PPFIBP2: variants seen among roughly 807,000 people sequenced by gnomAD.
The protein encoded by PPFIBP2 is PPFIB scaffold protein 2, also known as liprin-beta-2.
Under a neutral mutation model 118.3 loss-of-function variants are expected in PPFIBP2, and 118 were observed. That is an observed-to-expected ratio of 1.00 (90% CI 0.86 to 1.16). The LOEUF (loss-of-function observed/expected upper bound fraction) is 1.16, where lower values mean the gene tolerates loss of function less well. Among genes scored for constraint, PPFIBP2 ranks in the 50% most tolerant of loss-of-function variants. The pLI, the probability that PPFIBP2 is intolerant of heterozygous loss-of-function variation, is 0.00. For missense variants in PPFIBP2, 1,195 were observed against 1,073.1 expected (o/e 1.11, Z -1.59); for synonymous variants, 414 against 397.4 (o/e 1.04, Z -0.50).
chr11:7,624,039 A>G (rs1849664364), intron 7 of PPFIBP2, among the ~76,000 whole-genome samples: 3 of 152,152 alleles, frequency 2.0e-5, no homozygotes, highest in Admixed American at 2.0e-4. Context: ...ACTTTGGAAT[A>G]AGGAAACCCT....
In PPFIBP2 at chr11:7,577,330, T is replaced by C. The variant is rs71461819; in HGVS notation, c.279+11563T>C. 1,132 of 246,364 alleles carry C rather than the reference T, an allele frequency of 4.6e-3. 5 individuals are homozygous for C. Among genetic ancestry groups the C allele is most frequent in the Middle Eastern group, 0.013 (9 of 688 alleles). 15.3% of individuals were successfully genotyped at this position (246,364 alleles called of 1,614,324 possible). On this transcript the variant is annotated intron_variant, in intron 3 of 23. Transcript: ENST00000299492. ...GCGTGCATGTATGTGCGTGTGTGTG[T>C]GTGTGTGTGTGTGTGTGTGTGTTTG...
chr11:7,597,072 T>C (rs1321485392), intron 4 of PPFIBP2: 1 of 1,086,080 alleles, frequency 9.2e-7, no homozygotes, highest in Non-Finnish European at 1.2e-6. Flanking sequence ...ACAGCCCACA[T>C]TCCTTAATTG....
At chr11:7,589,076 T>G (rs1858737591) in intron 3 of PPFIBP2, among the ~76,000 whole-genome samples, 1 of 152,196 alleles carries the variant, frequency 6.6e-6, no homozygotes, top group Non-Finnish European at 1.5e-5. Flanking sequence ...CCTGTCACAT[T>G]TGTAGCAATA....
chr11:7,545,879 A>G (rs1318459725), intron 1 of PPFIBP2, among the ~76,000 whole-genome samples: 1 of 152,130 alleles, frequency 6.6e-6, no homozygotes. Context: ...CCCCACTCCC[A>G]ATCCTCCCGA....
chr11:7,635,477 C>G (rs1851330815), intron 13 of PPFIBP2, 75 bp from the exon 14 acceptor site: 1 of 1,417,852 alleles, frequency 7.1e-7, no homozygotes, highest in African/African-American at 1.4e-5. Flanking sequence ...ACAGGTAGTC[C>G]TGAGTTGTTG....
At chr11:7,627,381 C>T (rs369693454) in intron 8 of PPFIBP2, among the ~76,000 whole-genome samples, 3 of 152,146 alleles carry the variant, frequency 2.0e-5, no homozygotes, top group Non-Finnish European at 2.9e-5. Context: ...CATAGATCTA[C>T]TGTTGCTATT....
At chr11:7,606,111 C>T in intron 5 of PPFIBP2, 1 of 1,362,372 alleles carries the variant, frequency 7.3e-7, no homozygotes, top group Non-Finnish European at 9.7e-7. Context: ...AGAGCACTGT[C>T]TTAGAATAGC....
At position 7,605,746 on chromosome 11, in the gene PPFIBP2, A is replaced by C. The variant is rs1852724309; in HGVS notation, c.487-4545A>C. The C allele has an allele frequency of 2.2e-6, 3 of 1,350,196 alleles. No homozygotes were observed. The African/African-American group carries it at 4.5e-5, about 20-fold the overall frequency. 83.6% of individuals were successfully genotyped at this position (1,350,196 alleles called of 1,614,324 possible). ...GTAACTAGTGGCCGCAGAAGAAATT[A>C]GAGGTTGAGTGAGCAAGTGGGACAG... On this transcript the variant is annotated intron_variant, in intron 5 of 23. Transcript: ENST00000299492.
In PPFIBP2 at chr11:7,620,988, T is replaced by A; in HGVS notation, c.672T>A (p.Asn224Lys). ...HLKIKVEELE[N>K]ERNQYEWKLK... ...AAATCAAAGTGGAAGAGTTGGAAAA[T>A]GAAAGGAATCAGTATGAATGGAAGC... The change falls in exon 7 of 24, where the codon AAT (asparagine) becomes AAA (lysine). Residue 224 changes from asparagine (N) to lysine (K), a missense_variant. Transcript: ENST00000299492. 6.2e-7 allele frequency: 1 copy of A among 1,612,920 alleles called. No homozygotes were observed. Among genetic ancestry groups the A allele is most frequent in the Non-Finnish European group, 8.5e-7 (1 of 1,179,124 alleles).
chr11:7,584,443 G>A (rs1857758571), intron 3 of PPFIBP2, among the ~76,000 whole-genome samples: 1 of 152,154 alleles, frequency 6.6e-6, no homozygotes, highest in African/African-American at 2.4e-5. Flanking sequence ...GGTAGCCGAG[G>A]ATCTGACTGC....
At chr11:7,582,643 G>T (rs952088346) in intron 3 of PPFIBP2, among the ~76,000 whole-genome samples, 4 of 151,104 alleles carry the variant, frequency 2.6e-5, no homozygotes, top group African/African-American at 9.8e-5. Context: ...CTCCATAGCA[G>T]CTCTTTCACA....
rs781695831 is a variant in PPFIBP2, at chr11:7,621,000, G to C, written c.684G>C (p.Gln228His). The C allele has an allele frequency of 1.2e-6, 2 of 1,612,526 alleles. No homozygotes were observed. Among genetic ancestry groups the C allele is most frequent in the South Asian group, 2.2e-5 (2 of 91,042 alleles). Residue 228 changes from glutamine to histidine, a missense_variant, in exon 7 of 24, where the codon CAG (glutamine) becomes CAC (histidine). Gln to His is a conservative substitution (Grantham distance 24). Transcript: ENST00000299492. ...KVEELENERN[Q>H]YEWKLKATKA... The stretch of plus-strand genomic sequence containing the variant: ...AAGAGTTGGAAAATGAAAGGAATCA[G>C]TATGAATGGAAGCTAAAGGCCACTA...
At chr11:7,579,418 G>A (rs1856931366) in intron 3 of PPFIBP2, among the ~76,000 whole-genome samples, 1 of 152,176 alleles carries the variant, frequency 6.6e-6, no homozygotes, top group Non-Finnish European at 1.5e-5. Context: ...CAGACGTTTT[G>A]GCAAAGGTTT....
intron 5 of PPFIBP2, among the ~76,000 whole-genome samples, chr11:7,607,262 C>T (rs987996946): frequency 1.4e-5 from 2 of 146,692 alleles, no homozygotes; most frequent in African/African-American, 2.5e-5. Context: ...GGCTGGAGCA[C>T]TGTGGCATGA....
chr11:7,648,521 C>A lies in PPFIBP2; in HGVS notation c.1781C>A (p.Pro594His), dbSNP rs1239107428. The change falls in exon 18 of 24, where the codon CCT becomes CAT. Residue 594 changes from proline to histidine, a missense_variant. Transcript: ENST00000299492. ...GGCCACACCTTATTGACAGCCACCCCTCAGGACATGGAAAAGGTAAGGGCT... is the reference window on the plus strand; with the variant it reads ...GGCCACACCTTATTGACAGCCACCCATCAGGACATGGAAAAGGTAAGGGCT... ...SSGHTLLTAT[P>H]QDMEKELGIK... 1.9e-6 allele frequency: 3 copies of A among 1,614,088 alleles called. No homozygotes were observed. Among genetic ancestry groups the A allele is most frequent in the Non-Finnish European group, 2.5e-6 (3 of 1,180,008 alleles).
At chr11:7,560,529 G>A (rs937763540) in intron 2 of PPFIBP2, among the ~76,000 whole-genome samples, 2 of 152,122 alleles carry the variant, frequency 1.3e-5, no homozygotes, top group Non-Finnish European at 2.9e-5. Context: ...TCTTTCAGAA[G>A]TTATTTAAAC....
At chr11:7,562,927 TTTTA>T (rs1281454935) in intron 2 of PPFIBP2, among the ~76,000 whole-genome samples, 42 of 81,922 alleles carry the variant, frequency 5.1e-4, no homozygotes, top group Admixed American at 8.4e-4. Context: ...GAAATTAAAG[TTTTA>T]TATATATATA....
downstream of PPFIBP2, chr11:7,655,332 C>T (rs2136068658): frequency 2.2e-6 from 2 of 892,574 alleles, no homozygotes; most frequent in Non-Finnish European, 3.2e-6. Flanking sequence ...AGAAGCATGC[C>T]CTGGAGAAGC....
At chr11:7,551,288 CA>C (rs1852960050) in intron 2 of PPFIBP2, among the ~76,000 whole-genome samples, 1 of 152,098 alleles carries the variant, frequency 6.6e-6, no homozygotes, top group Non-Finnish European at 1.5e-5. Flanking sequence ...AGCCTTCAGC[CA>C]AAGAGCAAAG....
Sources: gnomAD v4.1 joint callset for allele counts (sites outside exome capture counted in the v4.1 genomes callset) on GRCh38, gnomAD v4.1.1 for gene constraint, MANE v1.5 for transcripts, NCBI Gene and HGNC (gene_info 2026-07-23, HGNC 2026-07-21) for gene names.